Variants in FAP observed in about 807,000 individuals in gnomAD.
The protein encoded by FAP is fibroblast activation protein alpha.
Under a neutral mutation model 126.5 loss-of-function variants are expected in FAP, and 110 were observed. That is an observed-to-expected ratio of 0.87 (90% CI 0.74 to 1.02). The LOEUF (loss-of-function observed/expected upper bound fraction) is 1.02, where lower values mean the gene tolerates loss of function less well. FAP is among the 50% of genes least tolerant of loss of function. The probability of loss-of-function intolerance (pLI) is 0.00; values close to 1 mark genes in which losing one functional copy is unlikely to be tolerated. For missense variants in FAP, 919 were observed against 909.2 expected (o/e 1.01, Z -0.14); for synonymous variants, 334 against 297.3 (o/e 1.12, Z -1.27).
At chr2:162,219,978 AAAT>A in intron 6 of FAP, 53 bp from the exon 7 acceptor site, 1 of 1,229,286 alleles carries the variant, frequency 8.1e-7, no homozygotes, top group Admixed American at 1.8e-5. Context: ...TAATGCAAAA[AAAT>A]AATAATCTGT....
intron 20 of FAP, among the ~76,000 whole-genome samples, chr2:162,186,913 G>C (rs939961097): frequency 2.0e-5 from 3 of 152,040 alleles, no homozygotes; most frequent in Non-Finnish European, 4.4e-5. Context: ...CCAAACAAGT[G>C]AATAGTTGAA....
chr2:162,180,629 T>G (rs908874890), intron 21 of FAP, among the ~76,000 whole-genome samples: 1 of 152,182 alleles, frequency 6.6e-6, no homozygotes. Context: ...AACTTACTAA[T>G]CAATGGAATG....
intron 21 of FAP, among the ~76,000 whole-genome samples, chr2:162,178,340 A>T (rs1000989574): frequency 2.0e-5 from 3 of 152,188 alleles, no homozygotes; most frequent in Non-Finnish European, 4.4e-5. Context: ...TTTTCATTGC[A>T]TATCAGGGTT....
At position 162,218,914 on chromosome 2, in the gene FAP, G is replaced by A. The variant is rs180786198; in HGVS notation, c.607+149C>T. The A allele has an allele frequency of 3.1e-4, 154 of 501,196 alleles. 2 individuals carry two copies. The highest frequency in any genetic ancestry group is 1.5e-3 in the Admixed American group (38 of 25,676). 31.0% of individuals were successfully genotyped at this position (501,196 alleles called of 1,614,324 possible). A position where few individuals can be genotyped will look rare whatever the true frequency, so the allele number is the denominator to read the frequency against. On this transcript the variant is annotated intron_variant, in intron 8 of 25. Transcript: ENST00000188790. ...ACAAGAATTTGTTCTTTTAAAATAC[G>A]TATGCCCTATTCGTAACCTAGAGAC...
intron 6 of FAP, among the ~76,000 whole-genome samples, chr2:162,222,613 A>G (rs1689455345): frequency 6.6e-6 from 1 of 152,204 alleles, no homozygotes. Flanking sequence ...AGCAAACAAG[A>G]TATCATATTA....
At chr2:162,242,573 G>A (rs1690396948) in intron 2 of FAP, among the ~76,000 whole-genome samples, 1 of 152,008 alleles carries the variant, frequency 6.6e-6, no homozygotes, top group South Asian at 2.1e-4. Context: ...ACCTAATAAT[G>A]AAAAGCAATG....
chr2:162,208,761 T>C (rs1157915408), intron 12 of FAP, among the ~76,000 whole-genome samples: 1 of 151,744 alleles, frequency 6.6e-6, no homozygotes, highest in Non-Finnish European at 1.5e-5. Context: ...TTTCACTGAA[T>C]ACTACTACTC....
chr2:162,196,518 CTT>C (rs3051148), intron 16 of FAP, among the ~76,000 whole-genome samples: 212 of 127,514 alleles, frequency 1.7e-3, no homozygotes, highest in East Asian at 3.4e-3. Flanking sequence ...ACTTGCATAT[CTT>C]TTTTTTTTTT....
intron 11 of FAP, among the ~76,000 whole-genome samples, chr2:162,210,821 A>ACT (rs1265860070): frequency 1.3e-5 from 2 of 152,116 alleles, no homozygotes; most frequent in Non-Finnish European, 2.9e-5. Flanking sequence ...AATGATAAAG[A>ACT]CTCTAATCAA....
intron 2 of FAP, among the ~76,000 whole-genome samples, chr2:162,238,767 C>T (rs944572290): frequency 6.6e-6 from 1 of 152,102 alleles, no homozygotes; most frequent in African/African-American, 2.4e-5. Context: ...GATTTTATCT[C>T]ACGTATATCT....
intron 6 of FAP, among the ~76,000 whole-genome samples, chr2:162,220,454 C>G: frequency 6.6e-6 from 1 of 152,224 alleles, no homozygotes; most frequent in Non-Finnish European, 1.5e-5. Flanking sequence ...TGCTCTTCTA[C>G]ATTCTCATTC....
intron 16 of FAP, among the ~76,000 whole-genome samples, chr2:162,196,264 G>A (rs182814376): frequency 2.6e-5 from 4 of 152,294 alleles, no homozygotes; most frequent in East Asian, 3.9e-4. Flanking sequence ...AAAAAGGATA[G>A]TATTTATTAG....
chr2:162,208,557 A>G (rs12467922), intron 12 of FAP, among the ~76,000 whole-genome samples: 5,375 of 152,264 alleles, frequency 0.035, 472 homozygotes, highest in Admixed American at 0.21. Context: ...TTATAGTATC[A>G]TCTTGGAGAA....
chr2:162,181,528 G>C (rs1173977705), intron 21 of FAP, among the ~76,000 whole-genome samples: 1 of 152,116 alleles, frequency 6.6e-6, no homozygotes, highest in Non-Finnish European at 1.5e-5. Context: ...GGGCAATGTG[G>C]TTTTCACTCT....
chr2:162,174,808 G>T, intron 22 of FAP, 59 bp downstream of exon 22: 1 of 1,191,420 alleles, frequency 8.4e-7, no homozygotes, highest in Non-Finnish European at 1.2e-6. Flanking sequence ...AGCAACATCA[G>T]ATATAGAGTA....
intron 2 of FAP, among the ~76,000 whole-genome samples, chr2:162,232,313 A>G (rs974537596): frequency 2.0e-5 from 3 of 152,236 alleles, no homozygotes; most frequent in East Asian, 1.9e-4. Flanking sequence ...ACAGATTAGG[A>G]AATGAAAATT....
chr2:162,206,658 T>C (rs1688708031), intron 12 of FAP, among the ~76,000 whole-genome samples: 1 of 152,230 alleles, frequency 6.6e-6, no homozygotes, highest in South Asian at 2.1e-4. Context: ...ATTTAAGGAA[T>C]GAAGCACTAG....
intron 3 of FAP, 31 bp from the exon 4 acceptor site, chr2:162,225,608 T>C (rs1398629068): frequency 1.3e-6 from 2 of 1,557,180 alleles, no homozygotes; most frequent in Non-Finnish European, 1.7e-6. Flanking sequence ...AAAATGTAAA[T>C]GATCTCTCTT....
intron 14 of FAP, among the ~76,000 whole-genome samples, chr2:162,202,367 T>A (rs1398780342): frequency 6.6e-6 from 1 of 152,242 alleles, no homozygotes; most frequent in East Asian, 1.9e-4. Context: ...TTGGCCAAGT[T>A]AATTAAATTT....
Sources: allele counts gnomAD v4.1 joint callset (sites outside exome capture counted in the v4.1 genomes callset), GRCh38; gene constraint gnomAD v4.1.1; transcripts MANE v1.5; gene names NCBI Gene and HGNC (gene_info 2026-07-23, HGNC 2026-07-21).